ATP7B: variants seen among roughly 807,000 people sequenced by gnomAD.
The protein encoded by ATP7B is ATPase copper transporting beta, also known as copper-transporting ATPase 2.
Under a neutral mutation model 118.9 loss-of-function variants are expected in ATP7B, and 113 were observed. That is an observed-to-expected ratio of 0.95 (90% CI 0.82 to 1.11). The LOEUF (loss-of-function observed/expected upper bound fraction) is 1.11. Among genes scored for constraint, ATP7B ranks in the 50% most tolerant of loss-of-function variants. The pLI is 0.00. For missense variants in ATP7B, 1,867 were observed against 1,871.4 expected (o/e 1.00, Z 0.04); for synonymous variants, 777 against 727.4 (o/e 1.07, Z -1.10).
chr13:51,977,583 CT>C (rs148762046), intron 1 of ATP7B, among the ~76,000 whole-genome samples: 3,354 of 152,246 alleles, frequency 0.022, 106 homozygotes, highest in African/African-American at 0.076. Context: ...TTACAGTTAA[CT>C]TTTTCTTTTT....
At chr13:52,010,673 T>C (rs768565822) in intron 1 of ATP7B, among the ~76,000 whole-genome samples, 4 of 152,238 alleles carry the variant, frequency 2.6e-5, no homozygotes, top group Non-Finnish European at 5.9e-5. Context: ...AATGTGTGCA[T>C]ATTACATATA....
chr13:51,942,093 G>C (rs997360973), intron 15 of ATP7B, among the ~76,000 whole-genome samples: 34 of 152,304 alleles, frequency 2.2e-4, no homozygotes, highest in Non-Finnish European at 4.4e-4. Flanking sequence ...ATTCCCGTCT[G>C]TCTACTCTGT....
chr13:51,938,892 C>T (rs1424096793), intron 17 of ATP7B, among the ~76,000 whole-genome samples, 159 bp downstream of exon 17: 2 of 152,200 alleles, frequency 1.3e-5, no homozygotes, highest in Non-Finnish European at 2.9e-5. Context: ...TGCTCACGTG[C>T]AACACTACAT....
chr13:52,011,576 C>T (rs1954039927), upstream of ATP7B: 1 of 620,578 alleles, frequency 1.6e-6, no homozygotes, highest in Admixed American at 2.4e-5. Flanking sequence ...TCCTCCCGAC[C>T]TGGGGGCACG....
Position 51,934,775 on chromosome 13 carries a change from T to C in ATP7B, c.4379A>G (p.Asp1460Gly), listed in dbSNP as rs1593633844. 6.2e-7 allele frequency: 1 copy of C among 1,613,942 alleles called. No individual in the cohort carries two copies. The highest frequency in any genetic ancestry group is 2.2e-5 in the East Asian group (1 of 44,880). Reference sequence around the variant, plus strand: ...AAGTCATCAGATGTACTGCTCCTCATCCCTGCCATTCAGGAGCAGAGACCA... The same window carrying C: ...AAGTCATCAGATGTACTGCTCCTCACCCCTGCCATTCAGGAGCAGAGACCA... ...DKWSLLLNGR[D>G]EEQYI is the part of the protein sequence containing the mutation. Residue 1460 changes from aspartate to glycine, a missense_variant, in exon 21 of 21, where the codon GAT becomes GGT. Coordinates refer to ENST00000242839, the MANE Select transcript of ATP7B (RefSeq NM_000053.4).
intron 12 of ATP7B, among the ~76,000 whole-genome samples, chr13:51,947,337 CTCTG>C (rs1165675471): frequency 2.6e-5 from 4 of 152,198 alleles, no homozygotes; most frequent in Admixed American, 6.5e-5. Flanking sequence ...TTATTTTCTT[CTCTG>C]TATTTTTCAC....
At chr13:51,973,006 T>TA (rs1434288618) in intron 2 of ATP7B, among the ~76,000 whole-genome samples, 5 of 152,046 alleles carry the variant, frequency 3.3e-5, no homozygotes, top group Non-Finnish European at 7.4e-5. Flanking sequence ...ACCGTGTCCC[T>TA]AAAAAAATTA....
chr13:51,958,655 G>A (rs543153718), intron 7 of ATP7B, 111 bp from the exon 8 acceptor site: 124 of 881,186 alleles, frequency 1.4e-4, no homozygotes, highest in Middle Eastern at 1.3e-3. Flanking sequence ...GTGCACAGTC[G>A]TGACAGTACT....
In ATP7B at chr13:51,941,152, G is replaced by A. The variant is rs1474886709; in HGVS notation, c.3485C>T (p.Ser1162Phe). Reference protein sequence around the residue: ...EWLRRNGLTISSDVSDAMTDH... With the variant: ...EWLRRNGLTIFSDVSDAMTDH... ...TGTCATAGCGTCACTGACATCGCTA[G>A]AAATGGTTAAACCGTTGCGCCTCAG... The change falls in exon 16 of 21, where the codon TCT (serine) becomes TTT (phenylalanine). Residue 1162 changes from serine to phenylalanine, a missense_variant. Transcript: ENST00000242839. 3 of 1,614,080 alleles carry A rather than the reference G, an allele frequency of 1.9e-6. No individual in the cohort carries two copies. The South Asian group carries it at 3.3e-5, about 18-fold the overall frequency.
chr13:51,966,835 T>C (rs1951574593), intron 4 of ATP7B: 10 of 1,613,186 alleles, frequency 6.2e-6, no homozygotes, highest in Non-Finnish European at 7.6e-6. Flanking sequence ...GGGAATAGCT[T>C]TGCAAAAAAT....
At chr13:51,938,233 T>C (rs910207909) in intron 17 of ATP7B, among the ~76,000 whole-genome samples, 9 of 152,198 alleles carry the variant, frequency 5.9e-5, no homozygotes, top group African/African-American at 2.2e-4. Flanking sequence ...GAAGGTGCAG[T>C]TTTCCTTTCC....
At chr13:51,961,686 C>T in intron 6 of ATP7B, 151 bp downstream of exon 6, 1 of 766,866 alleles carries the variant, frequency 1.3e-6, no homozygotes, top group South Asian at 1.5e-5. Flanking sequence ...TTTTGGACAG[C>T]ACTGTTTCAG....
rs2139041680 is a variant in ATP7B at position 51,946,206 on chromosome 13, G to C, written c.3060+78C>G. 6 of 1,519,838 alleles carry C rather than the reference G, an allele frequency of 3.9e-6. No individual in the cohort carries two copies. In the South Asian group the frequency reaches 6.0e-5, roughly 15 times the overall value. 94.1% of individuals were successfully genotyped at this position (1,519,838 alleles called of 1,614,324 possible). ...CACTGCTGTCTTGAGTGGCTCTCAGGCTTTTCTCTCAATGTGAAATAGTAA... is the reference window on the plus strand; with the variant it reads ...CACTGCTGTCTTGAGTGGCTCTCAGCCTTTTCTCTCAATGTGAAATAGTAA... On this transcript the variant is annotated intron_variant, in intron 13 of 20. Coordinates refer to ENST00000242839, the MANE Select transcript of ATP7B (RefSeq NM_000053.4).
chr13:51,992,366 C>T (rs141669842), intron 1 of ATP7B, among the ~76,000 whole-genome samples: 161 of 152,262 alleles, frequency 1.1e-3, no homozygotes, highest in African/African-American at 3.8e-3. Flanking sequence ...TGTCATCAGA[C>T]GGACCTGGGA....
At chr13:51,951,579 G>A (rs549396230) in intron 9 of ATP7B, among the ~76,000 whole-genome samples, 3 of 152,290 alleles carry the variant, frequency 2.0e-5, no homozygotes, top group African/African-American at 7.2e-5. Flanking sequence ...GCCCCTAGGA[G>A]TGACGGAGAA....
intron 1 of ATP7B, among the ~76,000 whole-genome samples, chr13:52,005,646 T>A (rs1953729575): frequency 6.6e-6 from 1 of 152,206 alleles, no homozygotes. Context: ...CTCACCAAAA[T>A]AATCCTTAAT....
rs773178127 is a variant in ATP7B, at chr13:51,933,387, T to C, written c.*1369A>G. On this transcript the variant is annotated 3_prime_UTR_variant, in exon 21 of 21. Coordinates refer to ENST00000242839, the MANE Select transcript of ATP7B (RefSeq NM_000053.4). The stretch of plus-strand genomic sequence containing the variant: ...AGGATTAGACGTAATCTATCAAAAG[T>C]GCTGCTAAAACTGCCCCTGGCAAGT... 7.9e-5 allele frequency: 12 copies of C among 152,146 alleles called. No homozygotes were observed. The highest frequency in any genetic ancestry group is 1.8e-4 in the Non-Finnish European group (12 of 68,024). The allele number at this position is 152,146 out of a possible 1,614,324, so 9.4% of individuals were successfully genotyped here. A position where few individuals can be genotyped will look rare whatever the true frequency, so the allele number is the denominator to read the frequency against.
Position 51,932,811 on chromosome 13 carries a change from C to T in ATP7B, c.*1945G>A, listed in dbSNP as rs1283584151. ...TAAAATTATATAAATATTTCCATGT[C>T]CATATATGAACACAACGTTTATGGT... is the stretch of plus-strand genomic sequence containing the variant. On this transcript the variant is annotated 3_prime_UTR_variant, in exon 21 of 21. Coordinates refer to ENST00000242839, the MANE Select transcript of ATP7B (RefSeq NM_000053.4). 6.6e-6 allele frequency: 1 copy of T among 152,074 alleles called. No individual in the cohort carries two copies. The highest frequency in any genetic ancestry group is 6.5e-5 in the Admixed American group (1 of 15,276). The allele number at this position is 152,074 out of a possible 1,614,324, so 9.4% of individuals were successfully genotyped here.
chr13:51,994,189 G>A (rs1593850322), intron 1 of ATP7B, among the ~76,000 whole-genome samples: 1 of 152,094 alleles, frequency 6.6e-6, no homozygotes, highest in Non-Finnish European at 1.5e-5. Flanking sequence ...AAGATTAAAC[G>A]CTCTGTCACT....
Sources: allele counts gnomAD v4.1 joint callset (sites outside exome capture counted in the v4.1 genomes callset), GRCh38; gene constraint gnomAD v4.1.1; transcripts MANE v1.5; gene names NCBI Gene and HGNC (gene_info 2026-07-23, HGNC 2026-07-21).